Variants in RBFOX1 observed in about 807,000 individuals in gnomAD.
RBFOX1 encodes RNA binding protein fox-1 homolog 1.
RBFOX1 carries 8 observed loss-of-function variants against 57.7 expected under a neutral mutation model. The observed-to-expected ratio is 0.14, with a 90% CI of 0.08 to 0.25. The LOEUF is 0.25. Among genes scored for constraint, RBFOX1 ranks in the 10% least tolerant of loss-of-function variants. RBFOX1 has a pLI of 1.00. For synonymous variants in RBFOX1, 326 were observed against 222.4 expected (o/e 1.47, Z -4.15); for missense variants, 611 against 548.5 (o/e 1.11, Z -1.14).
At chr16:6,925,276 G>A (rs1159369353) in intron 3 of RBFOX1, among the ~76,000 whole-genome samples, 1 of 150,994 alleles carries the variant, frequency 6.6e-6, no homozygotes, top group East Asian at 2.0e-4. Context: ...TGGGATTACA[G>A]GTGCAAATCA....
At chr16:5,408,455 T>C (rs1336463342) in intron 1 of RBFOX1, among the ~76,000 whole-genome samples, 2 of 152,128 alleles carry the variant, frequency 1.3e-5, no homozygotes, top group Non-Finnish European at 1.5e-5. Context: ...TAAACTGAAG[T>C]CTGCACTCTG....
intron 4 of RBFOX1, among the ~76,000 whole-genome samples, chr16:5,975,964 T>G (rs1043986418): frequency 6.6e-6 from 1 of 152,030 alleles, no homozygotes; most frequent in African/African-American, 2.4e-5. Flanking sequence ...GCCAACACGG[T>G]GAAACCCCAT....
At chr16:5,402,038 G>C (rs2066730952) in intron 1 of RBFOX1, among the ~76,000 whole-genome samples, 1 of 152,198 alleles carries the variant, frequency 6.6e-6, no homozygotes, top group Admixed American at 6.5e-5. Context: ...GGGTGTGGGA[G>C]AGGAGTGTGC....
At chr16:5,565,389 G>A (rs1040754475) in intron 2 of RBFOX1, among the ~76,000 whole-genome samples, 1 of 152,096 alleles carries the variant, frequency 6.6e-6, no homozygotes, top group African/African-American at 2.4e-5. Flanking sequence ...ATTTTGGGAG[G>A]CTGAGATGGG....
chr16:7,702,330 C>G (rs1304607278), intron 14 of RBFOX1, among the ~76,000 whole-genome samples: 1 of 152,160 alleles, frequency 6.6e-6, no homozygotes, highest in Non-Finnish European at 1.5e-5. Flanking sequence ...TTGAAGTGAG[C>G]TTTTGTCTCC....
chr16:5,346,640 G>A (rs59567041), intron 1 of RBFOX1, among the ~76,000 whole-genome samples: 3,810 of 152,306 alleles, frequency 0.025, 158 homozygotes, highest in African/African-American at 0.086. Flanking sequence ...GGAATTTTCA[G>A]TGCAATACAG....
chr16:6,572,893 C>T (rs2097365166), intron 2 of RBFOX1, among the ~76,000 whole-genome samples: 2 of 152,138 alleles, frequency 1.3e-5, no homozygotes, highest in African/African-American at 4.8e-5. Flanking sequence ...CATGCCCAGC[C>T]ATCAATAAAT....
At chr16:6,330,582 A>G (rs1399013409) in intron 2 of RBFOX1, among the ~76,000 whole-genome samples, 1 of 152,210 alleles carries the variant, frequency 6.6e-6, no homozygotes, top group African/African-American at 2.4e-5. Flanking sequence ...CAATTCATTC[A>G]TTCAACAAGT....
At chr16:7,151,267 T>A (rs2076055784) in intron 4 of RBFOX1, among the ~76,000 whole-genome samples, 1 of 152,340 alleles carries the variant, frequency 6.6e-6, no homozygotes, top group Non-Finnish European at 1.5e-5. Flanking sequence ...TTGCCTTCAC[T>A]TGGATTCAGA....
At chr16:6,372,578 G>A (rs1201246414) in intron 2 of RBFOX1, among the ~76,000 whole-genome samples, 1 of 151,512 alleles carries the variant, frequency 6.6e-6, no homozygotes, top group Non-Finnish European at 1.5e-5. Context: ...TTGGGTGGAA[G>A]AGTAGAGTTG....
intron 4 of RBFOX1, among the ~76,000 whole-genome samples, chr16:5,884,490 G>C (rs981014171): frequency 8.6e-5 from 11 of 127,464 alleles, no homozygotes; most frequent in Non-Finnish European, 1.4e-4. Flanking sequence ...CCCCGGCTAG[G>C]GTACACAGCT....
chr16:7,537,613 A>C (rs559824006), intron 5 of RBFOX1, among the ~76,000 whole-genome samples: 6 of 152,296 alleles, frequency 3.9e-5, no homozygotes, highest in African/African-American at 1.4e-4. Context: ...AAAAAGATCT[A>C]CCTGGTTCTA....
At chr16:7,196,873 T>C (rs530313831) in intron 4 of RBFOX1, among the ~76,000 whole-genome samples, 76 of 152,312 alleles carry the variant, frequency 5.0e-4, no homozygotes, top group African/African-American at 1.8e-3. Context: ...AATGGAATTC[T>C]GAGCCAAAGG....
chr16:6,690,315 T>A (rs6500810), intron 3 of RBFOX1, among the ~76,000 whole-genome samples: 149,513 of 152,236 alleles, frequency 0.98, 73,478 homozygotes, highest in Middle Eastern at 1. Flanking sequence ...TTAAGTGTGC[T>A]TAGAGTGATA....
At chr16:6,923,607 G>A (rs2074959164) in intron 3 of RBFOX1, among the ~76,000 whole-genome samples, 1 of 152,138 alleles carries the variant, frequency 6.6e-6, no homozygotes, top group African/African-American at 2.4e-5. Flanking sequence ...GAGCAGGGTG[G>A]AATGGGATGG....
chr16:6,851,380 C>T (rs556299039), intron 3 of RBFOX1, among the ~76,000 whole-genome samples: 2 of 151,926 alleles, frequency 1.3e-5, no homozygotes, highest in African/African-American at 4.8e-5. Flanking sequence ...CAGATGTTAC[C>T]CCTGGAGCAA....
chr16:7,179,836 G>T (rs533701668), intron 4 of RBFOX1, among the ~76,000 whole-genome samples: 1 of 152,092 alleles, frequency 6.6e-6, no homozygotes, highest in Admixed American at 6.5e-5. Context: ...CCAGGTTCAA[G>T]CGATTCTCCT....
At chr16:6,396,599 G>A (rs897801959) in intron 2 of RBFOX1, among the ~76,000 whole-genome samples, 16 of 152,278 alleles carry the variant, frequency 1.1e-4, no homozygotes, top group South Asian at 4.1e-4. Flanking sequence ...AACAGGTAGA[G>A]GATGCAGAAT....
intron 2 of RBFOX1, among the ~76,000 whole-genome samples, chr16:6,336,150 T>TATAC (rs1429559647): frequency 1.8e-5 from 1 of 56,600 alleles, no homozygotes; most frequent in Non-Finnish European, 3.4e-5. Flanking sequence ...TATATATACA[T>TATAC]ATACATATAT....
Sources: allele counts gnomAD v4.1 joint callset (sites outside exome capture counted in the v4.1 genomes callset), GRCh38; gene constraint gnomAD v4.1.1; transcripts MANE v1.5; gene names NCBI Gene and HGNC (gene_info 2026-07-23, HGNC 2026-07-21).